DMD: variants seen among roughly 807,000 people sequenced by gnomAD.
DMD encodes the protein mutant dystrophin.
Under a neutral mutation model 330.1 loss-of-function variants are expected in DMD, and 63 were observed. That is an observed-to-expected ratio of 0.19 (90% confidence interval 0.16 to 0.24). DMD has a LOEUF of 0.24. Ranked by LOEUF, DMD falls within the 10% of genes least tolerant of loss-of-function variation. DMD has a pLI of 1.00. For missense variants in DMD, 3,344 were observed against 2,684.1 expected, an observed-to-expected ratio of 1.25 and a Z score of -5.43; for synonymous variants, 1,223 against 959.8, an observed-to-expected ratio of 1.27 and a Z score of -5.07.
At chrX:31,149,175 C>G (rs1415929881) in intron 74 of DMD, among the ~76,000 whole-genome samples, 3 of 112,092 alleles carry the variant, frequency 2.7e-5, no homozygotes, top group African/African-American at 9.7e-5. Flanking sequence ...TTTTACTTTT[C>G]CCCCATGGAT....
chrX:33,204,473 AT>A (rs994769307), intron 1 of DMD, among the ~76,000 whole-genome samples: 30 of 108,428 alleles, frequency 2.8e-4, no homozygotes, highest in Admixed American at 9.9e-4. Context: ...TGCTTTGAAT[AT>A]TTTTTTTTTC....
At chrX:32,769,817 GA>G (rs3838945) in intron 7 of DMD, among the ~76,000 whole-genome samples, 42,947 of 95,141 alleles carry the variant, frequency 0.45, 7,418 homozygotes, top group East Asian at 0.68. Flanking sequence ...GGAAAAACCA[GA>G]AAAAAAAAAA....
chrX:31,741,684 C>A (rs1302656772), intron 51 of DMD, among the ~76,000 whole-genome samples: 1 of 109,544 alleles, frequency 9.1e-6, no homozygotes, highest in Admixed American at 9.9e-5. Context: ...CAGACTAGAT[C>A]TAGCATAACC....
At chrX:32,736,822 C>G (rs748638783) in intron 7 of DMD, among the ~76,000 whole-genome samples, 4 of 108,755 alleles carry the variant, frequency 3.7e-5, no homozygotes, top group African/African-American at 1.4e-4. Context: ...TGCTAGATGA[C>G]GAGTTAGTGG....
chrX:32,237,952 A>T (rs2097194035), intron 43 of DMD, among the ~76,000 whole-genome samples: 1 of 111,805 alleles, frequency 8.9e-6, no homozygotes, highest in Non-Finnish European at 1.9e-5. Context: ...CATGCCTAAA[A>T]CACTCTCCTT....
chrX:32,833,221 T>C (rs1440262545), intron 4 of DMD, among the ~76,000 whole-genome samples: 2 of 111,561 alleles, frequency 1.8e-5, no homozygotes, highest in African/African-American at 6.5e-5. Flanking sequence ...TGCAGGAGAA[T>C]TATTTTTAAT....
In DMD at chrX:31,121,894, T is replaced by C; in HGVS notation, c.*25A>G. On this transcript the variant is annotated 3_prime_UTR_variant, in exon 79 of 79. Coordinates refer to ENST00000357033, the MANE Select transcript of DMD (RefSeq NM_004006.3). ...TAAGGACTCCATCGCTCTGCCCAAA[T>C]CATCTGCCATGTGGAAAAGACTTCC... 3 of 1,205,750 alleles carry C rather than the reference T, an allele frequency of 2.5e-6. No homozygotes were observed. The East Asian group carries it at 8.9e-5, about 36-fold the overall frequency.
intron 2 of DMD, among the ~76,000 whole-genome samples, chrX:33,010,711 T>C (rs1413799105): frequency 1.8e-5 from 2 of 111,541 alleles, no homozygotes; most frequent in Non-Finnish European, 3.8e-5. Context: ...CCAATTTAAA[T>C]CAAGTACTTG....
intron 2 of DMD, among the ~76,000 whole-genome samples, chrX:32,999,724 C>A (rs1172771265): frequency 1.1e-4 from 12 of 109,259 alleles, no homozygotes; most frequent in Admixed American, 9.9e-4. Context: ...TGCAGTGAGC[C>A]AAGAGTGTGC....
chrX:32,639,514 T>C (rs753866215), intron 11 of DMD, among the ~76,000 whole-genome samples: 10 of 112,640 alleles, frequency 8.9e-5, no homozygotes, highest in Non-Finnish European at 1.5e-4. Context: ...TTGGTAAAGT[T>C]TTGTAATTGA....
chrX:32,711,064 A>G (rs1436266776), intron 7 of DMD, among the ~76,000 whole-genome samples: 1 of 111,853 alleles, frequency 8.9e-6, no homozygotes. Context: ...CAAAGACTAA[A>G]TAGAGAAAAG....
chrX:32,548,412 T>C (rs1230749236), intron 16 of DMD, among the ~76,000 whole-genome samples: 1 of 112,082 alleles, frequency 8.9e-6, no homozygotes, highest in African/African-American at 3.2e-5. Context: ...AATTTGATGC[T>C]GAAGGCTAGA....
At chrX:32,790,545 G>A (rs1304348075) in intron 7 of DMD, among the ~76,000 whole-genome samples, 1 of 111,425 alleles carries the variant, frequency 9.0e-6, no homozygotes, top group Non-Finnish European at 1.9e-5. Context: ...ACCAGTCTAT[G>A]TCCTGACCTA....
chrX:33,331,568 C>T (rs756039153), intron 1 of DMD, among the ~76,000 whole-genome samples: 7 of 111,573 alleles, frequency 6.3e-5, no homozygotes, highest in South Asian at 3.7e-4. Context: ...TTTATTTTCC[C>T]TTAGCTCTTT....
At chrX:32,758,658 C>A (rs182850492) in intron 7 of DMD, among the ~76,000 whole-genome samples, 1 of 111,428 alleles carries the variant, frequency 9.0e-6, no homozygotes, top group East Asian at 2.9e-4. Flanking sequence ...ATCAAACCCC[C>A]CATTTACTCT....
At chrX:32,115,947 G>T (rs2096608730) in intron 44 of DMD, among the ~76,000 whole-genome samples, 1 of 111,828 alleles carries the variant, frequency 8.9e-6, no homozygotes, top group Admixed American at 9.5e-5. Context: ...ACTCAGCAAT[G>T]ATGAATGAAC....
intron 1 of DMD, among the ~76,000 whole-genome samples, chrX:33,068,224 A>G (rs1194763365): frequency 8.9e-6 from 1 of 112,140 alleles, no homozygotes; most frequent in African/African-American, 3.2e-5. Flanking sequence ...ATTTTTAATA[A>G]GCATTCTAGG....
intron 52 of DMD, among the ~76,000 whole-genome samples, chrX:31,683,912 T>C (rs1174896665): frequency 8.9e-6 from 1 of 112,498 alleles, no homozygotes; most frequent in Non-Finnish European, 1.9e-5. Flanking sequence ...TTAATCATCA[T>C]ACAATCCTAT....
chrX:31,874,289 G>A (rs1351799919), intron 48 of DMD, among the ~76,000 whole-genome samples: 1 of 111,336 alleles, frequency 9.0e-6, no homozygotes, highest in Admixed American at 9.6e-5. Context: ...AAGGTACCAG[G>A]TAATTTGATG....
Sources: allele counts gnomAD v4.1 joint callset (sites outside exome capture counted in the v4.1 genomes callset), GRCh38; gene constraint gnomAD v4.1.1; transcripts MANE v1.5; gene names NCBI Gene and HGNC (gene_info 2026-07-23, HGNC 2026-07-21).